The following MEGF11 variants were observed in gnomAD, a reference collection of about 807,000 sequenced individuals.
The protein encoded by MEGF11 is multiple epidermal growth factor-like domains protein 11.
Under a neutral mutation model 146.6 loss-of-function variants are expected in MEGF11, and 126 were observed. The ratio of observed to expected loss-of-function variants is 0.86; its 90% CI spans 0.74 to 1.00. The LOEUF is 1.00. Ranked by LOEUF, MEGF11 falls within the 50% of genes least tolerant of loss-of-function variation. The probability of loss-of-function intolerance (pLI) is 0.00; values close to 1 mark genes in which losing one functional copy is unlikely to be tolerated. For missense variants in MEGF11, 1,509 were observed against 1,521.2 expected, an observed-to-expected ratio of 0.99 and a Z score of 0.13; for synonymous variants, 532 against 583.4, an observed-to-expected ratio of 0.91 and a Z score of 1.27.
At chr15:65,909,673 C>A in intron 22 of MEGF11, 67 bp downstream of exon 22, 1 of 1,452,906 alleles carries the variant, frequency 6.9e-7, no homozygotes, top group South Asian at 1.2e-5. Flanking sequence ...AAGCTGGGTG[C>A]TTCTCAATAT....
In MEGF11 at chr15:66,055,129, C is replaced by T. The variant is rs375183408; in HGVS notation, c.394+39273G>A. ...CTCTTGATAAAATACACCCACAATTCCACCGGCAAGTGCTCACTGCCCTTA... is the reference window on the plus strand; with the variant it reads ...CTCTTGATAAAATACACCCACAATTTCACCGGCAAGTGCTCACTGCCCTTA... On this transcript the variant is annotated intron_variant, in intron 5 of 25. Transcript: ENST00000395614. Among the ~76,000 whole-genome samples, 8 of 152,300 alleles carry T rather than the reference C, an allele frequency of 5.3e-5. 1 individual carries two copies. The highest frequency in any genetic ancestry group is 1.9e-4 in the African/African-American group (8 of 41,552).
chr15:66,252,075 A>G (rs1216619917), intron 1 of MEGF11, among the ~76,000 whole-genome samples: 1 of 152,196 alleles, frequency 6.6e-6, no homozygotes, highest in Non-Finnish European at 1.5e-5. Flanking sequence ...ACAGCACTCC[A>G]ACAAAGAGAG....
At position 66,252,892 on chromosome 15, in the gene MEGF11, C is replaced by G. The variant is rs953008660; in HGVS notation, c.-9+713G>C. 3.3e-5 allele frequency among the ~76,000 whole-genome samples: 5 copies of G among 152,266 alleles called. No individual in the cohort carries two copies. The East Asian group carries it at 5.8e-4, about 18-fold the overall frequency. On this transcript the variant is annotated intron_variant, in intron 1 of 25. Transcript: ENST00000395614. ...GCGCGCAGAGAGTCACTTGCTTCTC[C>G]TTTAACTTTGGGAGCCAGGGTCGCA...
At position 65,930,883 on chromosome 15, in the gene MEGF11, A is replaced by G; in HGVS notation, c.1348T>C (p.Cys450Arg). The part of the protein sequence containing the change: ...GTYGPNCSSI[C>R]SCNNGGTCSP... The stretch of plus-strand genomic sequence containing the variant: ...CAGGTGCCACCATTGTTACAGCTAC[A>G]GATGGACGAGCAGTTGGGGCCATAG... Residue 450 changes from cysteine to arginine, a missense_variant, in exon 11 of 26, where the codon TGT (cysteine) becomes CGT (arginine). Physicochemically the swap from Cys to Arg is radical, Grantham distance 180 (BLOSUM62 -3). Transcript: ENST00000395614. 6.2e-7 allele frequency: 1 copy of G among 1,611,884 alleles called. No homozygotes were observed. Among genetic ancestry groups the G allele is most frequent in the African/African-American group, 1.3e-5 (1 of 75,006 alleles).
chr15:66,096,776 G>A (rs950527270), intron 4 of MEGF11, among the ~76,000 whole-genome samples: 1 of 152,150 alleles, frequency 6.6e-6, no homozygotes, highest in Non-Finnish European at 1.5e-5. Context: ...CGATCCTAGA[G>A]ACCCAGCCCA....
chr15:66,130,730 G>GAGGGAGGAAGGAAGGAAGGAAGGA (rs56371892), intron 1 of MEGF11, among the ~76,000 whole-genome samples: 19,570 of 140,600 alleles, frequency 0.14, 1,612 homozygotes, highest in Non-Finnish European at 0.16. Context: ...AAGAGGGAGG[G>GAGGGAGGAAGGAAGGAAGGAAGGA]AGGAAGGAAG....
chr15:66,064,667 A>G (rs553418809), intron 5 of MEGF11, among the ~76,000 whole-genome samples: 20 of 149,738 alleles, frequency 1.3e-4, no homozygotes, highest in African/African-American at 4.9e-4. Context: ...ACAGGCATGT[A>G]CCACCATCCC....
rs1250833518 is a variant in MEGF11, at chr15:65,913,857, C to T, written c.2590G>A (p.Val864Met). The T allele has an allele frequency of 9.3e-6, 15 of 1,614,012 alleles. No homozygotes were observed. The highest frequency in any genetic ancestry group is 1.3e-5 in the Non-Finnish European group (15 of 1,179,894). ...GIMLLLFLIV[V>M]LLGLFAWHRR... ...TGCCAGGCAAATAGGCCCAGCAGCA[C>T]CACAATGAGGAATAACAGGAGCATG... Residue 864 changes from valine (V) to methionine (M), a missense_variant, in exon 20 of 26, where the codon GTG (valine) becomes ATG (methionine). Physicochemically the swap from Val to Met is conservative, Grantham distance 21. Coordinates refer to ENST00000395614, the MANE Select transcript of MEGF11 (RefSeq NM_001385028.1).
chr15:66,027,303 T>C (rs1398241987), intron 5 of MEGF11, among the ~76,000 whole-genome samples: 1 of 152,252 alleles, frequency 6.6e-6, no homozygotes, highest in South Asian at 2.1e-4. Context: ...CCAGTAGCTC[T>C]TGTAAACAAC....
intron 1 of MEGF11, among the ~76,000 whole-genome samples, chr15:66,210,509 C>T (rs750804434): frequency 1.3e-5 from 2 of 152,182 alleles, no homozygotes; most frequent in Non-Finnish European, 1.5e-5. Context: ...CATCTCGATG[C>T]TCCACCACCA....
At chr15:66,123,209 C>A (rs1380228960) in intron 3 of MEGF11, among the ~76,000 whole-genome samples, 10 of 152,194 alleles carry the variant, frequency 6.6e-5, no homozygotes, top group Non-Finnish European at 1.3e-4. Flanking sequence ...AACATATAAT[C>A]TGCAGGAGGG....
intron 3 of MEGF11, among the ~76,000 whole-genome samples, chr15:66,119,983 C>T (rs1027289455): frequency 1.3e-5 from 2 of 152,118 alleles, no homozygotes; most frequent in Non-Finnish European, 2.9e-5. Flanking sequence ...TCTTTTAGAG[C>T]TTTTATTCTA....
chr15:66,034,413 T>C (rs565703266), intron 5 of MEGF11, among the ~76,000 whole-genome samples: 2 of 146,924 alleles, frequency 1.4e-5, no homozygotes, highest in East Asian at 4.0e-4. Context: ...TTTTTTTTTG[T>C]TTTTGTTTTT....
chr15:66,071,660 T>C (rs965412625), intron 5 of MEGF11, among the ~76,000 whole-genome samples: 1 of 152,168 alleles, frequency 6.6e-6, no homozygotes, highest in African/African-American at 2.4e-5. Context: ...GGCTGTGACC[T>C]GGAGCCAGGA....
rs149810579 is a variant in MEGF11 at position 65,898,870 on chromosome 15, G to A, written c.3120C>T (p.Tyr1040=). The change falls in exon 25 of 26, where the codon TAC becomes TAT. Residue 1040 remains tyrosine, a synonymous_variant. Coordinates refer to ENST00000395614, the MANE Select transcript of MEGF11 (RefSeq NM_001385028.1). ...TCSLNSSENP[Y]ATIKDPPILT... is the part of the protein sequence containing the mutation. ...GGATGGGTGGGTCCTTAATTGTGGCGTAAGGGTTTTCACTGCTATTCAAGG... is the reference window on the plus strand; with the variant it reads ...GGATGGGTGGGTCCTTAATTGTGGCATAAGGGTTTTCACTGCTATTCAAGG... 1,750 of 1,613,892 alleles carry A rather than the reference G, an allele frequency of 1.1e-3. 3 individuals carry two copies. Among genetic ancestry groups the A allele is most frequent in the Non-Finnish European group, 1.4e-3 (1,622 of 1,179,810 alleles).
At chr15:66,158,072 G>A (rs2141064559) in intron 1 of MEGF11, among the ~76,000 whole-genome samples, 1 of 152,294 alleles carries the variant, frequency 6.6e-6, no homozygotes, top group South Asian at 2.1e-4. Context: ...ATGTTCACTT[G>A]CGTGAATGAC....
At chr15:66,129,909 T>C (rs2088566350) in intron 1 of MEGF11, among the ~76,000 whole-genome samples, 1 of 152,164 alleles carries the variant, frequency 6.6e-6, no homozygotes, top group African/African-American at 2.4e-5. Context: ...GAAATGCAGA[T>C]TTAGCCAGAT....
chr15:66,171,670 C>A (rs760041298), intron 1 of MEGF11, among the ~76,000 whole-genome samples: 121 of 152,052 alleles, frequency 8.0e-4, no homozygotes, highest in Middle Eastern at 3.4e-3. Flanking sequence ...TCTGCTCCCC[C>A]AAAGCCGATC....
chr15:66,082,532 G>T (rs1318831899), intron 5 of MEGF11, among the ~76,000 whole-genome samples: 2 of 143,722 alleles, frequency 1.4e-5, no homozygotes, highest in Non-Finnish European at 3.0e-5. Context: ...AATTAGCCAG[G>T]TGTGGTGGTG....
Sources: gnomAD v4.1 joint callset for allele counts (sites outside exome capture counted in the v4.1 genomes callset) on GRCh38, gnomAD v4.1.1 for gene constraint, MANE v1.5 for transcripts, NCBI Gene and HGNC (gene_info 2026-07-23, HGNC 2026-07-21) for gene names.